CSMD3: variants seen among roughly 807,000 people sequenced by gnomAD.
CSMD3 encodes the protein CUB and Sushi multiple domains 3, also known as CUB and sushi domain-containing protein 3.
CSMD3 carries 177 observed loss-of-function variants against 435.2 expected under a neutral mutation model. The observed-to-expected ratio is 0.41, with a 90% CI of 0.36 to 0.46. The LOEUF is 0.46. Among genes scored for constraint, CSMD3 ranks in the 20% least tolerant of loss-of-function variants. CSMD3 has a pLI of 0.34. For synonymous variants in CSMD3, 1,656 were observed against 1,520.5 expected (o/e 1.09, Z -2.07); for missense variants, 4,265 against 4,504.6 (o/e 0.95, Z 1.52).
At chr8:113,014,683 C>G (rs1156255829) in intron 6 of CSMD3, among the ~76,000 whole-genome samples, 3 of 151,942 alleles carry the variant, frequency 2.0e-5, no homozygotes, top group African/African-American at 4.8e-5. Context: ...TTAACTACCC[C>G]CAAGGGAAGG....
chr8:112,567,650 C>A lies in CSMD3; in HGVS notation c.4042+5851G>T, dbSNP rs150776889. Among the ~76,000 whole-genome samples, 542 of 152,080 alleles carry A rather than the reference C, an allele frequency of 3.6e-3. 2 individuals carry two copies. Among genetic ancestry groups the A allele is most frequent in the African/African-American group, 0.013 (520 of 41,498 alleles). ...CCTTTAGAGAGAGAGTAAAATACAC[C>A]AGATTTAGAAATCATTCTTGAAATG... On this transcript the variant is annotated intron_variant, in intron 24 of 70. Transcript: ENST00000297405.
intron 10 of CSMD3, among the ~76,000 whole-genome samples, chr8:112,867,395 C>A (rs1157782245): frequency 1.3e-5 from 2 of 152,040 alleles, no homozygotes. Flanking sequence ...CATCACACTC[C>A]CTGATTTCAA....
rs746202528 is a variant in CSMD3 at position 113,207,756 on chromosome 8, T to C, written c.515-33840A>G. On this transcript the variant is annotated intron_variant, in intron 3 of 70. Coordinates refer to ENST00000297405, the MANE Select transcript of CSMD3 (RefSeq NM_198123.2). ...GTGTTTTGAAGTAAAAAGAAAGATA[T>C]ATACTTGATATTTACTGAACTTAAG... 5.9e-5 allele frequency among the ~76,000 whole-genome samples: 9 copies of C among 152,120 alleles called. No individual in the cohort carries two copies. In the South Asian group the frequency reaches 1.0e-3, roughly 18 times the overall value.
chr8:112,566,746 T>A (rs1829092832), intron 24 of CSMD3, among the ~76,000 whole-genome samples: 1 of 152,074 alleles, frequency 6.6e-6, no homozygotes, highest in Non-Finnish European at 1.5e-5. Context: ...TTGCCAGCCA[T>A]GCATACAGTA....
Position 113,148,500 on chromosome 8 carries a change from T to G in CSMD3, c.709+25222A>C, listed in dbSNP as rs540279656. 7.2e-5 allele frequency among the ~76,000 whole-genome samples: 11 copies of G among 151,928 alleles called. No homozygotes were observed. The South Asian group carries it at 2.3e-3, about 31-fold the overall frequency. On this transcript the variant is annotated intron_variant, in intron 4 of 70. Transcript: ENST00000297405. ...ATACTTTTATCTGCTTATTCTACAC[T>G]TCAGTAAGCTCCATAAAGGTACAGA...
At chr8:112,533,006 T>C (rs940958623) in intron 27 of CSMD3, among the ~76,000 whole-genome samples, 1 of 152,248 alleles carries the variant, frequency 6.6e-6, no homozygotes, top group Admixed American at 6.5e-5. Flanking sequence ...TGTTTGTTTC[T>C]GTGCTTTTCT....
intron 19 of CSMD3, among the ~76,000 whole-genome samples, chr8:112,647,004 C>G (rs1442904736): frequency 6.6e-6 from 1 of 152,104 alleles, no homozygotes; most frequent in Non-Finnish European, 1.5e-5. Context: ...TATGTTAACT[C>G]AGCCCCCACA....
intron 27 of CSMD3, among the ~76,000 whole-genome samples, chr8:112,529,205 C>G (rs1825284961): frequency 6.6e-6 from 1 of 152,154 alleles, no homozygotes; most frequent in African/African-American, 2.4e-5. Context: ...AGTCTTAGAA[C>G]TCTAACTGGT....
intron 4 of CSMD3, among the ~76,000 whole-genome samples, chr8:113,165,177 C>T (rs527977053): frequency 1.3e-5 from 2 of 152,228 alleles, no homozygotes; most frequent in African/African-American, 2.4e-5. Context: ...ATCATTTTCT[C>T]TTTAAGACAT....
At position 112,546,175 on chromosome 8, in the gene CSMD3, G is replaced by A. The variant is rs533674753; in HGVS notation, c.4564+4496C>T. ...TGTATATAAATGAATAGTGAGGAGT[G>A]AAGCTGGCAGGTAGGTTGGGACATA... On this transcript the variant is annotated intron_variant, in intron 27 of 70. Coordinates refer to ENST00000297405, the MANE Select transcript of CSMD3 (RefSeq NM_198123.2). Among the ~76,000 whole-genome samples, 540 of 152,314 alleles carry A rather than the reference G, an allele frequency of 3.5e-3. 1 individual carries two copies. Among genetic ancestry groups the A allele is most frequent in the African/African-American group, 0.012 (519 of 41,580 alleles).
intron 17 of CSMD3, among the ~76,000 whole-genome samples, chr8:112,660,433 T>C (rs1328866266): frequency 6.6e-6 from 1 of 152,172 alleles, no homozygotes; most frequent in Non-Finnish European, 1.5e-5. Context: ...CCATGTGATA[T>C]CTGTGTAAGA....
chr8:112,998,996 T>G (rs2085760773), intron 6 of CSMD3, among the ~76,000 whole-genome samples: 1 of 152,080 alleles, frequency 6.6e-6, no homozygotes, highest in South Asian at 2.1e-4. Flanking sequence ...AATTACCCAA[T>G]CTCAGGTATT....
intron 13 of CSMD3, among the ~76,000 whole-genome samples, chr8:112,721,472 A>C (rs1400812290): frequency 6.6e-6 from 1 of 152,112 alleles, no homozygotes; most frequent in African/African-American, 2.4e-5. Flanking sequence ...GCTACTCAGG[A>C]GGCTGAGGCA....
chr8:113,354,858 T>G (rs1215936523), intron 1 of CSMD3, among the ~76,000 whole-genome samples: 1 of 152,070 alleles, frequency 6.6e-6, no homozygotes, highest in African/African-American at 2.4e-5. Flanking sequence ...AAGCTGGTTT[T>G]GAACTCCTGG....
chr8:112,464,236 T>TTAAAAAAAAAAAAA (rs1817729945), intron 32 of CSMD3, among the ~76,000 whole-genome samples: 1 of 117,940 alleles, frequency 8.5e-6, no homozygotes, highest in Admixed American at 8.2e-5. Context: ...AGACTCTGTT[T>TTAAAAAAAAAAAAA]CAAAAAAAAA....
chr8:112,689,384 TAATG>T (rs140408825), intron 14 of CSMD3, among the ~76,000 whole-genome samples: 3,773 of 152,148 alleles, frequency 0.025, 80 homozygotes, highest in East Asian at 0.074. Context: ...TCATTAATGT[TAATG>T]AATTGTATTG....
At chr8:113,260,133 A>C (rs2093415327) in intron 3 of CSMD3, among the ~76,000 whole-genome samples, 1 of 152,186 alleles carries the variant, frequency 6.6e-6, no homozygotes, top group African/African-American at 2.4e-5. Flanking sequence ...TGAGTCAACT[A>C]AACCTCTTTC....
chr8:113,353,731 T>C (rs962872375), intron 1 of CSMD3, among the ~76,000 whole-genome samples: 1 of 152,310 alleles, frequency 6.6e-6, no homozygotes, highest in African/African-American at 2.4e-5. Context: ...TATCAGTTTT[T>C]CACACTTACT....
chr8:112,473,865 C>T (rs1207199559), intron 31 of CSMD3, among the ~76,000 whole-genome samples: 1 of 151,764 alleles, frequency 6.6e-6, no homozygotes, highest in Non-Finnish European at 1.5e-5. Context: ...TTGCAGAGCA[C>T]ACTGTCTGGT....
Sources: allele counts gnomAD v4.1 joint callset (sites outside exome capture counted in the v4.1 genomes callset), GRCh38; gene constraint gnomAD v4.1.1; transcripts MANE v1.5; gene names NCBI Gene and HGNC (gene_info 2026-07-23, HGNC 2026-07-21).